CNNM1: variants seen among roughly 807,000 people sequenced by gnomAD.
CNNM1 encodes metal transporter CNNM1.
Under a neutral mutation model 78.8 loss-of-function variants are expected in CNNM1, and 44 were observed. The observed-to-expected ratio is 0.56, with a 90% CI of 0.44 to 0.72. The LOEUF is 0.72. CNNM1 is among the 30% of genes least tolerant of loss of function. The pLI is 0.00. For synonymous variants in CNNM1, 584 were observed against 581.5 expected (o/e 1.00, Z -0.06); for missense variants, 1,101 against 1,292.2 (o/e 0.85, Z 2.27).
In CNNM1 at chr10:99,377,102, C is replaced by T. The variant is rs1219576423; in HGVS notation, c.2224C>T (p.Pro742Ser). 2 of 1,597,036 alleles carry T rather than the reference C, an allele frequency of 1.3e-6. No homozygotes were observed. Among genetic ancestry groups the T allele is most frequent in the Non-Finnish European group, 1.7e-6 (2 of 1,171,652 alleles). ...RCSGLNRSES[P>S]NRERSDFGGS... ...CAGTGGGTTGAATCGCTCTGAGTCT[C>T]CAAACCGAGAGCGCAGTGACTTTGG... The change falls in exon 7 of 11, where the codon CCA becomes TCA. Residue 742 changes from proline to serine, a missense_variant. By Grantham distance (74) the Pro-to-Ser change is moderately conservative. Transcript: ENST00000356713.
intron 1 of CNNM1, among the ~76,000 whole-genome samples, chr10:99,335,002 AC>A (rs2030108900): frequency 6.6e-6 from 1 of 152,158 alleles, no homozygotes. Flanking sequence ...CATCTGTAGG[AC>A]CCGAAAGCCT....
intron 10 of CNNM1, 133 bp from the exon 11 acceptor site, chr10:99,391,303 CG>C: frequency 1.6e-6 from 1 of 644,218 alleles, no homozygotes; most frequent in Non-Finnish European, 2.8e-6. Flanking sequence ...CATACAATGC[CG>C]GTTAGTTCTA....
chr10:99,340,818 CTTTT>C (rs1238390505), intron 1 of CNNM1, among the ~76,000 whole-genome samples: 1 of 126,814 alleles, frequency 7.9e-6, no homozygotes, highest in Non-Finnish European at 1.6e-5. Flanking sequence ...TTCTTTCTTT[CTTTT>C]CTTTTCTTTT....
intron 6 of CNNM1, among the ~76,000 whole-genome samples, chr10:99,367,622 A>G (rs566674711): frequency 1.3e-5 from 2 of 152,298 alleles, no homozygotes; most frequent in East Asian, 3.9e-4. Flanking sequence ...GTGTCTCATA[A>G]TATTAGAGGC....
At chr10:99,364,382 A>C in intron 4 of CNNM1, 35 bp from the exon 5 acceptor site, 1 of 1,511,468 alleles carries the variant, frequency 6.6e-7, no homozygotes, top group Non-Finnish European at 9.1e-7. Flanking sequence ...GTGCTCATAC[A>C]CATTCATAGT....
intron 1 of CNNM1, among the ~76,000 whole-genome samples, chr10:99,341,495 G>T (rs2030457359): frequency 6.6e-6 from 1 of 152,176 alleles, no homozygotes; most frequent in South Asian, 2.1e-4. Context: ...CTGGGGTACA[G>T]GCAAGGGAAT....
chr10:99,330,086 A>G lies in CNNM1; in HGVS notation c.699A>G (p.Leu233=), dbSNP rs1361833892. 3 of 1,537,924 alleles carry G rather than the reference A, an allele frequency of 2.0e-6. No homozygotes were observed. Among genetic ancestry groups the G allele is most frequent in the Non-Finnish European group, 1.7e-6 (2 of 1,150,754 alleles). The change falls in exon 1 of 11, where the codon CTA becomes CTG. Residue 233 remains leucine, a synonymous_variant. Transcript: ENST00000356713. ...GGGCGCTCGGGGCGCTCCTGCTGCT[A>G]GCCTTGTCGGCCCTGTTCAGCGGCC... ...WLRALGALLL[L]ALSALFSGLR... is the part of the protein sequence containing the mutation.
chr10:99,380,722 C>T (rs11813185), intron 7 of CNNM1, among the ~76,000 whole-genome samples: 6,449 of 151,202 alleles, frequency 0.043, 149 homozygotes, highest in East Asian at 0.099. Flanking sequence ...ACCTGGGAGG[C>T]GGAGGTGGCA....
At chr10:99,365,072 G>A (rs1564951955) in intron 6 of CNNM1, 70 bp downstream of exon 6, 1 of 1,529,420 alleles carries the variant, frequency 6.5e-7, no homozygotes, top group Non-Finnish European at 9.0e-7. Flanking sequence ...CTGGGGACCT[G>A]GACCGAGCAC....
intron 5 of CNNM1, 35 bp downstream of exon 5, chr10:99,364,551 A>G: frequency 1.3e-6 from 2 of 1,533,222 alleles, no homozygotes; most frequent in Non-Finnish European, 1.8e-6. Context: ...TGGGAAAGTA[A>G]TGGGATATGG....
intron 1 of CNNM1, among the ~76,000 whole-genome samples, chr10:99,341,952 G>C (rs1034874864): frequency 6.6e-6 from 1 of 152,130 alleles, no homozygotes; most frequent in Admixed American, 6.5e-5. Flanking sequence ...TGAGAGTGTA[G>C]TTATTTTATG....
intron 1 of CNNM1, among the ~76,000 whole-genome samples, chr10:99,338,861 T>C (rs1009019309): frequency 2.0e-4 from 30 of 152,208 alleles, no homozygotes; most frequent in Non-Finnish European, 4.1e-4. Flanking sequence ...GTGATTTTCT[T>C]ATAGGGTGGT....
At chr10:99,335,958 A>G (rs933982518) in intron 1 of CNNM1, among the ~76,000 whole-genome samples, 1 of 152,240 alleles carries the variant, frequency 6.6e-6, no homozygotes, top group Admixed American at 6.5e-5. Flanking sequence ...CCCTTATGCC[A>G]TCATTTAATC....
rs145401515 is a variant in CNNM1, at chr10:99,368,449, A to C, written c.2176+3447A>C. ...TCTTTCTGGAGTGTGACTTTGTAAG[A>C]GGATGTGATTCCTGTGTTTTCAGAG... On this transcript the variant is annotated intron_variant, in intron 6 of 10. Transcript: ENST00000356713. The C allele has an allele frequency of 1.2e-4, 42 of 356,170 alleles. No homozygotes were observed. In the Admixed American group the frequency reaches 1.4e-3, roughly 12 times the overall value. The allele number at this position is 356,170 out of a possible 1,614,324, so 22.1% of individuals were successfully genotyped here. A position where few individuals can be genotyped will look rare whatever the true frequency, so the allele number is the denominator to read the frequency against.
intron 5 of CNNM1, 29 bp from the exon 6 acceptor site, chr10:99,364,926 T>C (rs377703031): frequency 1.7e-5 from 28 of 1,607,092 alleles, no homozygotes; most frequent in Middle Eastern, 1.7e-4. Flanking sequence ...GAGTTGCCTC[T>C]GAAACCCACT....
At chr10:99,347,902 C>G (rs971707441) in intron 1 of CNNM1, among the ~76,000 whole-genome samples, 3 of 151,844 alleles carry the variant, frequency 2.0e-5, no homozygotes, top group Non-Finnish European at 2.9e-5. Flanking sequence ...AGTTCATCCC[C>G]GTCTCCCTTC....
chr10:99,352,418 C>T (rs1423732067), intron 1 of CNNM1, among the ~76,000 whole-genome samples: 17 of 152,242 alleles, frequency 1.1e-4, no homozygotes, highest in South Asian at 6.2e-4. Context: ...GTAGAATTGT[C>T]GGGTCATTTG....
chr10:99,378,465 G>A (rs2032045604), intron 7 of CNNM1, among the ~76,000 whole-genome samples: 1 of 152,292 alleles, frequency 6.6e-6, no homozygotes, highest in South Asian at 2.1e-4. Flanking sequence ...TTCATTATTT[G>A]GAGAGGGGTG....
chr10:99,377,638 T>A (rs1057288554), intron 7 of CNNM1, among the ~76,000 whole-genome samples: 1 of 152,236 alleles, frequency 6.6e-6, no homozygotes, highest in Non-Finnish European at 1.5e-5. Flanking sequence ...GAAACCATGC[T>A]ATACATCTGC....
Sources: gnomAD v4.1 joint callset for allele counts (sites outside exome capture counted in the v4.1 genomes callset) on GRCh38, gnomAD v4.1.1 for gene constraint, MANE v1.5 for transcripts, NCBI Gene and HGNC (gene_info 2026-07-23, HGNC 2026-07-21) for gene names.